ETNK1: variants seen among roughly 807,000 people sequenced by gnomAD.
The protein encoded by ETNK1 is putative protein product of Nbla10396.
Under a neutral mutation model 45.1 loss-of-function variants are expected in ETNK1, and 8 were observed. That is an observed-to-expected ratio of 0.18 (90% CI 0.10 to 0.32). ETNK1 has a LOEUF of 0.32. ETNK1 is among the 10% of genes least tolerant of loss of function. ETNK1 has a pLI of 1.00. For missense variants in ETNK1, 302 were observed against 430.6 expected, an observed-to-expected ratio of 0.70 and a Z score of 2.64; for synonymous variants, 152 against 151.9, an observed-to-expected ratio of 1.00 and a Z score of -0.01.
At chr12:22,684,404 G>A in intron 6 of ETNK1, 79 bp from the exon 7 acceptor site, 1 of 959,530 alleles carries the variant, frequency 1.0e-6, no homozygotes, top group Non-Finnish European at 1.6e-6. Flanking sequence ...TTGATTTAGA[G>A]GATAGAATTA....
At chr12:22,632,747 T>C (rs1324648526) in intron 1 of ETNK1, among the ~76,000 whole-genome samples, 1 of 152,204 alleles carries the variant, frequency 6.6e-6, no homozygotes, top group Non-Finnish European at 1.5e-5. Flanking sequence ...AGTGATCCTC[T>C]TGCCTCAGCC....
chr12:22,688,121 C>T lies in ETNK1; in HGVS notation c.*3167C>T, dbSNP rs900094956. 2.6e-5 allele frequency: 4 copies of T among 151,670 alleles called. No individual in the cohort carries two copies. Among genetic ancestry groups the T allele is most frequent in the African/African-American group, 9.7e-5 (4 of 41,360 alleles). The allele number at this position is 151,670 out of a possible 1,614,324, so 9.4% of individuals were successfully genotyped here. On this transcript the variant is annotated 3_prime_UTR_variant, in exon 8 of 8. Transcript: ENST00000266517. ...AATTAAAAATGTAATTTAATAATTTCCTATTTTTAGGGTTGTTAATTTTTT... is the reference window on the plus strand; with the variant it reads ...AATTAAAAATGTAATTTAATAATTTTCTATTTTTAGGGTTGTTAATTTTTT...
intron 6 of ETNK1, among the ~76,000 whole-genome samples, chr12:22,674,358 A>T (rs913710747): frequency 6.6e-6 from 1 of 152,216 alleles, no homozygotes; most frequent in Non-Finnish European, 1.5e-5. Context: ...TATAGTTGAC[A>T]TGGGAAATAT....
intron 1 of ETNK1, among the ~76,000 whole-genome samples, chr12:22,635,174 G>T (rs929953376): frequency 3.9e-5 from 6 of 152,192 alleles, no homozygotes; most frequent in African/African-American, 1.4e-4. Context: ...TGCTGGACCT[G>T]TCACTCTGTG....
intron 3 of ETNK1, among the ~76,000 whole-genome samples, chr12:22,660,109 T>G (rs1183545168): frequency 6.6e-6 from 1 of 150,478 alleles, no homozygotes; most frequent in Non-Finnish European, 1.5e-5. Flanking sequence ...TGAGGATTAC[T>G]TGTGGAAGTT....
chr12:22,653,560 C>CTT (rs1368951809), intron 2 of ETNK1, among the ~76,000 whole-genome samples: 1 of 151,932 alleles, frequency 6.6e-6, no homozygotes. Context: ...GTTTACAAGT[C>CTT]TTTCACCTCC....
chr12:22,638,220 T>A (rs1953679973), intron 1 of ETNK1, among the ~76,000 whole-genome samples: 1 of 151,612 alleles, frequency 6.6e-6, no homozygotes, highest in African/African-American at 2.4e-5. Context: ...ACCTTTTAAC[T>A]TTTTTCCCCC....
chr12:22,668,212 A>G (rs1954073359), intron 4 of ETNK1, among the ~76,000 whole-genome samples: 1 of 152,062 alleles, frequency 6.6e-6, no homozygotes, highest in African/African-American at 2.4e-5. Flanking sequence ...CATCCTTGAA[A>G]CCCCAATTAA....
intron 6 of ETNK1, among the ~76,000 whole-genome samples, chr12:22,676,010 A>C (rs1954157575): frequency 6.6e-6 from 1 of 152,108 alleles, no homozygotes; most frequent in African/African-American, 2.4e-5. Flanking sequence ...TTCAATTAAA[A>C]AAATTTTTTA....
chr12:22,680,901 C>A (rs545358489), intron 6 of ETNK1, among the ~76,000 whole-genome samples: 2 of 137,956 alleles, frequency 1.4e-5, no homozygotes, highest in Admixed American at 7.2e-5. Flanking sequence ...CCCCCGCCCC[C>A]CCCTCCATTA....
At chr12:22,641,250 G>C (rs1036322082) in intron 1 of ETNK1, among the ~76,000 whole-genome samples, 9 of 152,144 alleles carry the variant, frequency 5.9e-5, no homozygotes, top group African/African-American at 2.2e-4. Context: ...CTCTGGATTG[G>C]ATGGTGTCAG....
rs1168685317 is a variant in ETNK1 at position 22,625,482 on chromosome 12, A to T, written c.52A>T (p.Asn18Tyr). 2 of 1,604,882 alleles carry T rather than the reference A, an allele frequency of 1.2e-6. No individual in the cohort carries two copies. The highest frequency in any genetic ancestry group is 1.7e-5 in the Admixed American group (1 of 59,186). The change falls in exon 1 of 8, where the codon AAC (asparagine) becomes TAC (tyrosine). Residue 18 changes from asparagine (N) to tyrosine (Y), a missense_variant. Physicochemically the swap from Asn to Tyr is moderately radical, Grantham distance 143. Coordinates refer to ENST00000266517, the MANE Select transcript of ETNK1 (RefSeq NM_018638.5). ...PPGSPEVPKL[N>Y]VTVQDQEEHR... Reference sequence around the variant, plus strand: ...CGGCTCCCCGGAGGTGCCCAAGCTGAACGTCACCGTTCAGGATCAGGAGGA... The same window carrying T: ...CGGCTCCCCGGAGGTGCCCAAGCTGTACGTCACCGTTCAGGATCAGGAGGA...
At chr12:22,635,525 T>C (rs1953644798) in intron 1 of ETNK1, among the ~76,000 whole-genome samples, 1 of 152,236 alleles carries the variant, frequency 6.6e-6, no homozygotes, top group African/African-American at 2.4e-5. Flanking sequence ...ACAGAAGTTC[T>C]AAGACTTCTA....
intron 1 of ETNK1, among the ~76,000 whole-genome samples, chr12:22,633,052 A>T (rs769029820): frequency 6.6e-6 from 1 of 152,040 alleles, no homozygotes; most frequent in Non-Finnish European, 1.5e-5. Flanking sequence ...TTACAATTAT[A>T]CTTTTTTTGA....
chr12:22,647,629 CAATTAGGCAGT>C (rs1364597458), intron 2 of ETNK1, among the ~76,000 whole-genome samples: 1 of 151,784 alleles, frequency 6.6e-6, no homozygotes, highest in Non-Finnish European at 1.5e-5. Context: ...ACTGTGGCTA[CAATTAGGCAGT>C]AATTTGCTCA....
chr12:22,665,885 T>G (rs1242543462), intron 4 of ETNK1, among the ~76,000 whole-genome samples: 1 of 152,112 alleles, frequency 6.6e-6, no homozygotes, highest in Non-Finnish European at 1.5e-5. Flanking sequence ...ATGTGACAAT[T>G]CAGTTTAAGT....
In ETNK1 at chr12:22,675,438, C is replaced by A. The variant is rs562537609; in HGVS notation, c.945+1778C>A. ...TGGTACGATCATAGCTCACTGCAGC[C>A]TCAAACTCCTGAGCACAAGGGGTTC... On this transcript the variant is annotated intron_variant, in intron 6 of 7. Coordinates refer to ENST00000266517, the MANE Select transcript of ETNK1 (RefSeq NM_018638.5). Among the ~76,000 whole-genome samples the A allele has an allele frequency of 1.2e-3, 177 of 151,800 alleles. 2 individuals carry two copies. Among genetic ancestry groups the A allele is most frequent in the African/African-American group, 4.1e-3 (168 of 41,358 alleles).
At position 22,687,681 on chromosome 12, in the gene ETNK1, A is replaced by T. The variant is rs1006017948; in HGVS notation, c.*2727A>T. The T allele has an allele frequency of 6.6e-6, 1 of 152,282 alleles. No homozygotes were observed. The highest frequency in any genetic ancestry group is 1.5e-5 in the Non-Finnish European group (1 of 67,764). The allele number at this position is 152,282 out of a possible 1,614,324, so 9.4% of individuals were successfully genotyped here. ...CAGTACACACGATCATCTGAGATCA[A>T]TATGAGCACAAAACTCATCAAGTAG... On this transcript the variant is annotated 3_prime_UTR_variant, in exon 8 of 8. Coordinates refer to ENST00000266517, the MANE Select transcript of ETNK1 (RefSeq NM_018638.5).
intron 1 of ETNK1, chr12:22,626,071 A>C (rs1953490680): frequency 5.7e-6 from 2 of 351,666 alleles, no homozygotes; most frequent in South Asian, 4.2e-5. Context: ...ACCCTAGCGT[A>C]CTCAATTCCC....
Sources: gnomAD v4.1 joint callset for allele counts (sites outside exome capture counted in the v4.1 genomes callset) on GRCh38, gnomAD v4.1.1 for gene constraint, MANE v1.5 for transcripts, NCBI Gene and HGNC (gene_info 2026-07-23, HGNC 2026-07-21) for gene names.